Variants in CYP11A1 observed in about 807,000 individuals in gnomAD.
The protein encoded by CYP11A1 is cytochrome P450 family 11 subfamily A member 1.
CYP11A1 carries 25 observed loss-of-function variants against 51.9 expected under a neutral mutation model. That is an observed-to-expected ratio of 0.48 (90% confidence interval 0.35 to 0.67). The LOEUF is 0.67. Ranked by LOEUF, CYP11A1 falls within the 30% of genes least tolerant of loss-of-function variation. CYP11A1 has a pLI of 0.00. For synonymous variants in CYP11A1, 245 were observed against 262.1 expected (o/e 0.93, Z 0.63); for missense variants, 578 against 680.9 (o/e 0.85, Z 1.68).
chr15:74,359,034 C>T (rs2060694638), intron 1 of CYP11A1, among the ~76,000 whole-genome samples: 1 of 152,214 alleles, frequency 6.6e-6, no homozygotes, highest in Non-Finnish European at 1.5e-5. Context: ...AATCGGATGT[C>T]CTGGGTCCTC....
intron 1 of CYP11A1, chr15:74,363,621 C>G (rs1028869805): frequency 1.3e-5 from 2 of 152,186 alleles, no homozygotes; most frequent in African/African-American, 4.8e-5. Flanking sequence ...TAATGGTCTC[C>G]CTGACGAGCT....
At chr15:74,339,139 G>A (rs2060593729) in intron 7 of CYP11A1, 98 bp downstream of exon 7, 1 of 1,005,198 alleles carries the variant, frequency 9.9e-7, no homozygotes, top group Non-Finnish European at 1.6e-6. Flanking sequence ...TGCCATCAAG[G>A]GCCCCACCAG....
Position 74,347,885 on chromosome 15 carries a change from T to C in CYP11A1, c.425+15A>G. ...CCACCTCCCTCCAGTCCCTGGGAGA[T>C]GGCCCAGGACTCACTTCAACAGGAC... On this transcript the variant is annotated intron_variant, in intron 2 of 8. Transcript: ENST00000268053. 1.9e-6 allele frequency: 3 copies of C among 1,613,850 alleles called. No individual in the cohort carries two copies. Among genetic ancestry groups the C allele is most frequent in the South Asian group, 2.2e-5 (2 of 91,020 alleles).
Position 74,343,122 on chromosome 15 carries a change from TG to T in CYP11A1, c.844del (p.Gln282ArgfsTer7). 6.2e-7 allele frequency: 1 copy of T among 1,613,876 alleles called. No homozygotes were observed. Reference protein sequence around the residue: ...VIFSKADIYTQNFYWELRQKG... With the variant: ...VIFSKADIYTXNFYWELRQKG... Reference sequence around the variant, plus strand: ...CTGTCTCAATTCCCAGTAGAAGTTCTGGGTGTATATGTCAGCTGTGGGGAAG... The same window carrying T: ...CTGTCTCAATTCCCAGTAGAAGTTCTGGTGTATATGTCAGCTGTGGGGAAG... On this transcript the variant is annotated frameshift_variant, in exon 5 of 9. Coordinates refer to ENST00000268053, the MANE Select transcript of CYP11A1 (RefSeq NM_000781.3). LOFTEE classifies it high-confidence loss of function.
At chr15:74,362,891 T>C (rs2060715508) in intron 1 of CYP11A1, 1 of 152,204 alleles carries the variant, frequency 6.6e-6, no homozygotes, top group African/African-American at 2.4e-5. Context: ...ACTTTAATGG[T>C]AGATGTGTTA....
chr15:74,343,688 T>C (rs2060618793), intron 4 of CYP11A1, 101 bp downstream of exon 4: 1 of 1,081,552 alleles, frequency 9.2e-7, no homozygotes, highest in African/African-American at 1.5e-5. Flanking sequence ...AGTGTGGGTT[T>C]CCTACAGGTC....
Position 74,337,791 on chromosome 15 carries a change from G to A in CYP11A1, c.*181C>T. On this transcript the variant is annotated 3_prime_UTR_variant, in exon 9 of 9. Transcript: ENST00000268053. ...GTTCAGCTGTTTATTGTCTCCATGG[G>A]GTGGGTGAAGAGGAGTGGCCCAGCT... 1 of 722,012 alleles carries A rather than the reference G, an allele frequency of 1.4e-6. No homozygotes were observed. The highest frequency in any genetic ancestry group is 2.4e-6 in the Non-Finnish European group (1 of 411,386). The allele number at this position is 722,012 out of a possible 1,614,324, so 44.7% of individuals were successfully genotyped here. A position where few individuals can be genotyped will look rare whatever the true frequency, so the allele number is the denominator to read the frequency against.
At position 74,338,735 on chromosome 15, in the gene CYP11A1, G is replaced by A. The variant is rs762412759; in HGVS notation, c.1270C>T (p.Arg424Ter). 55 of 1,613,990 alleles carry A rather than the reference G, an allele frequency of 3.4e-5. No individual in the cohort carries two copies. Among genetic ancestry groups the A allele is most frequent in the Non-Finnish European group, 4.5e-5 (53 of 1,180,022 alleles). ...GGGTCGAAGAAGAAGGTGGGCTCTC[G>A]GCCCAGAGCATAGATGGCCACTTGC... ...LVQVAIYALG[R>*]EPTFFFDPEN... is the part of the protein sequence containing the mutation. The change falls in exon 8 of 9, where the codon CGA becomes TGA. Residue 424 changes from arginine (R) to a stop codon, truncating the protein, a stop_gained. Transcript: ENST00000268053. LOFTEE classifies it high-confidence loss of function.
At chr15:74,341,959 A>G (rs2060608991) in intron 5 of CYP11A1, among the ~76,000 whole-genome samples, 1 of 152,184 alleles carries the variant, frequency 6.6e-6, no homozygotes, top group African/African-American at 2.4e-5. Flanking sequence ...TTGAACTTCC[A>G]GCCTCCGGAA....
intron 1 of CYP11A1, among the ~76,000 whole-genome samples, chr15:74,366,529 G>A (rs1252336345): frequency 6.7e-6 from 1 of 150,120 alleles, no homozygotes; most frequent in African/African-American, 2.5e-5. Flanking sequence ...CATGTTGGCC[G>A]GGTTGATCTC....
At chr15:74,349,769 A>G (rs772215608) in intron 1 of CYP11A1, among the ~76,000 whole-genome samples, 3 of 152,142 alleles carry the variant, frequency 2.0e-5, no homozygotes, top group African/African-American at 4.8e-5. Context: ...ACTGTGAACT[A>G]CTATGCTGCC....
In CYP11A1 at chr15:74,345,395, C is replaced by T; in HGVS notation, c.426-152G>A. ...GCCTCTGCCCTCACCTCTCCGAGCA[C>T]CCTCTGCCTCTCACCTCCTCCCTGC... On this transcript the variant is annotated intron_variant, in intron 2 of 8. Coordinates refer to ENST00000268053, the MANE Select transcript of CYP11A1 (RefSeq NM_000781.3). This position sits in a 1 kb window ranked among gnomAD's most constrained non-coding sequence, Gnocchi z 4.3. The T allele has an allele frequency of 1.3e-6, 1 of 743,892 alleles. No individual in the cohort carries two copies. Among genetic ancestry groups the T allele is most frequent in the Non-Finnish European group, 2.3e-6 (1 of 427,680 alleles). The allele number at this position is 743,892 out of a possible 1,614,324, so 46.1% of individuals were successfully genotyped here.
intron 1 of CYP11A1, among the ~76,000 whole-genome samples, chr15:74,351,131 C>T (rs80128318): frequency 0.029 from 4,376 of 152,276 alleles, 91 homozygotes; most frequent in Middle Eastern, 0.12. Context: ...TGACTGCCAC[C>T]GCCCGGTTCG....
rs2060595092 is a variant in CYP11A1 at position 74,339,323 on chromosome 15, A to G, written c.1158-8T>C. ...ACGGAGATGGGGTGAAGTCTGCGGGAGGAGGGCACTCAGAAGCTGATGGCC... is the reference window on the plus strand; with the variant it reads ...ACGGAGATGGGGTGAAGTCTGCGGGGGGAGGGCACTCAGAAGCTGATGGCC... On this transcript the variant is annotated splice_region_variant and splice_polypyrimidine_tract_variant and intron_variant, in intron 6 of 8. Coordinates refer to ENST00000268053, the MANE Select transcript of CYP11A1 (RefSeq NM_000781.3). 2 of 1,613,530 alleles carry G rather than the reference A, an allele frequency of 1.2e-6. No individual in the cohort carries two copies. The highest frequency in any genetic ancestry group is 1.3e-5 in the African/African-American group (1 of 74,934).
chr15:74,358,908 A>G (rs1367218561), intron 1 of CYP11A1, among the ~76,000 whole-genome samples: 3 of 152,194 alleles, frequency 2.0e-5, no homozygotes, highest in Non-Finnish European at 4.4e-5. Context: ...TGGTCTTTTA[A>G]AAACACACCT....
chr15:74,343,772 G>A lies in CYP11A1; in HGVS notation c.829+17C>T, dbSNP rs376847692. On this transcript the variant is annotated intron_variant, in intron 4 of 8. Coordinates refer to ENST00000268053, the MANE Select transcript of CYP11A1 (RefSeq NM_000781.3). ...CTGGGGCTCCGAGGAGGAGAGCACA[G>A]CCAGAGAAGCCCTCACCTTTACTGA... 6.2e-7 allele frequency: 1 copy of A among 1,608,110 alleles called. No individual in the cohort carries two copies. Among genetic ancestry groups the A allele is most frequent in the Non-Finnish European group, 8.5e-7 (1 of 1,176,196 alleles).
At chr15:74,341,310 G>A (rs546925108) in intron 5 of CYP11A1, among the ~76,000 whole-genome samples, 1 of 152,240 alleles carries the variant, frequency 6.6e-6, no homozygotes, top group Admixed American at 6.5e-5. Flanking sequence ...TCTCTTCTAC[G>A]TAATAGACAA....
At chr15:74,355,437 A>G (rs1287764164) in intron 1 of CYP11A1, among the ~76,000 whole-genome samples, 1 of 151,240 alleles carries the variant, frequency 6.6e-6, no homozygotes, top group Non-Finnish European at 1.5e-5. Context: ...TTCCAATGCA[A>G]TTGGTCCCAA....
At chr15:74,362,498 A>ACC in intron 1 of CYP11A1, 79 of 158,248 alleles carry the variant, frequency 5.0e-4, no homozygotes, top group South Asian at 1.5e-3. Context: ...TGGAAACATC[A>ACC]GAGAAAGACT....
Sources: gnomAD v4.1 joint callset for allele counts (sites outside exome capture counted in the v4.1 genomes callset) on GRCh38, gnomAD v4.1.1 for gene constraint, Gnocchi (gnomAD v3.1) non-coding constraint, MANE v1.5 for transcripts, NCBI Gene and HGNC (gene_info 2026-07-23, HGNC 2026-07-21) for gene names.